The following ROBO2 variants were observed in gnomAD, a reference collection of about 807,000 sequenced individuals.
ROBO2 encodes the protein roundabout guidance receptor 2, also known as roundabout homolog 2.
In ROBO2, 53 loss-of-function variants were observed where a neutral mutation model predicts 160.8. The ratio of observed to expected loss-of-function variants is 0.33; its 90% CI spans 0.26 to 0.41. The LOEUF is 0.41. ROBO2 is among the 10% of genes least tolerant of loss of function. The pLI is 1.00. For missense variants in ROBO2, 1,577 were observed against 1,722.4 expected, an observed-to-expected ratio of 0.92 and a Z score of 1.49; for synonymous variants, 664 against 611.7, an observed-to-expected ratio of 1.09 and a Z score of -1.26.
chr3:76,650,620 G>A (rs1223267679), intron 2 of ROBO2, among the ~76,000 whole-genome samples: 2 of 152,062 alleles, frequency 1.3e-5, no homozygotes, highest in African/African-American at 2.4e-5. Context: ...GGTACAAGCA[G>A]GTAGCAGTTA....
chr3:75,912,294 CTGAG>C (rs1394339225), intron 1 of ROBO2, among the ~76,000 whole-genome samples: 1 of 152,136 alleles, frequency 6.6e-6, no homozygotes, highest in East Asian at 1.9e-4. Context: ...TCTGTCAGCA[CTGAG>C]TGAGATTTTT....
At chr3:76,772,540 A>G (rs1401957987) in intron 2 of ROBO2, among the ~76,000 whole-genome samples, 1 of 149,262 alleles carries the variant, frequency 6.7e-6, no homozygotes, top group Non-Finnish European at 1.5e-5. Context: ...TTAATTTGAA[A>G]ATCCGTGTTA....
chr3:76,820,502 G>T (rs1181360947), intron 2 of ROBO2, among the ~76,000 whole-genome samples: 4 of 151,828 alleles, frequency 2.6e-5, no homozygotes, highest in African/African-American at 9.7e-5. Flanking sequence ...AGCCATCCTG[G>T]TAGGGCCAAT....
At chr3:77,056,481 C>A (rs958661119) in intron 1 of ROBO2, among the ~76,000 whole-genome samples, 1 of 151,886 alleles carries the variant, frequency 6.6e-6, no homozygotes, top group Non-Finnish European at 1.5e-5. Context: ...AAGAAGACAC[C>A]GTACTGTATA....
intron 2 of ROBO2, among the ~76,000 whole-genome samples, chr3:76,924,163 C>T (rs1237722325): frequency 6.6e-6 from 1 of 152,230 alleles, no homozygotes; most frequent in East Asian, 1.9e-4. Context: ...ATTCTTGTCC[C>T]ATAATTTTCT....
intron 2 of ROBO2, among the ~76,000 whole-genome samples, chr3:76,228,746 A>G (rs1704444173): frequency 6.6e-6 from 1 of 152,236 alleles, no homozygotes; most frequent in Admixed American, 6.5e-5. Flanking sequence ...AACTTTCATA[A>G]GAACTCACAG....
intron 2 of ROBO2, among the ~76,000 whole-genome samples, chr3:76,825,008 A>T (rs116171720): frequency 0.01 from 1,573 of 152,310 alleles, 26 homozygotes; most frequent in African/African-American, 0.036. Flanking sequence ...AAGCTTCTCA[A>T]CTTCTCAGGG....
chr3:75,946,134 C>A (rs1948282217), intron 2 of ROBO2, among the ~76,000 whole-genome samples: 2 of 151,862 alleles, frequency 1.3e-5, no homozygotes, highest in African/African-American at 4.8e-5. Context: ...TTGCTTTTGT[C>A]AAAATAGTGT....
intron 2 of ROBO2, among the ~76,000 whole-genome samples, chr3:76,741,788 A>T (rs1395779553): frequency 6.6e-6 from 1 of 152,064 alleles, no homozygotes; most frequent in Admixed American, 6.6e-5. Flanking sequence ...TCTGAAAACA[A>T]ATTTGCAATT....
At chr3:76,198,507 C>T (rs1702367815) in intron 2 of ROBO2, among the ~76,000 whole-genome samples, 1 of 152,148 alleles carries the variant, frequency 6.6e-6, no homozygotes, top group South Asian at 2.1e-4. Context: ...ATTTCTTTGA[C>T]ATATTTTGAA....
At chr3:77,489,480 A>C (rs993063612) in intron 4 of ROBO2, among the ~76,000 whole-genome samples, 2 of 152,168 alleles carry the variant, frequency 1.3e-5, no homozygotes, top group African/African-American at 4.8e-5. Flanking sequence ...TTGAAATTAT[A>C]AATCAAGTGC....
chr3:76,948,966 G>T lies in ROBO2; in HGVS notation c.110-149048G>T, dbSNP rs530438424. 4.6e-5 allele frequency among the ~76,000 whole-genome samples: 6 copies of T among 131,602 alleles called. No homozygotes were observed. The South Asian group carries it at 1.5e-3, about 32-fold the overall frequency. The allele number at this position is 131,602 out of a possible 152,430, so 86.3% of individuals were successfully genotyped here. On this transcript the variant is annotated intron_variant, in intron 2 of 26. Coordinates refer to the ROBO2 transcript ENST00000487694. ...GGGTTTCACCATGTTGGCCAAGCTG[G>T]TCTTGACCTCCTGACCTGAGGTGAT... is the stretch of plus-strand genomic sequence containing the variant.
At chr3:77,200,315 A>ATATATATATC (rs2082771874) in intron 2 of ROBO2, among the ~76,000 whole-genome samples, 1 of 87,584 alleles carries the variant, frequency 1.1e-5, no homozygotes, top group Admixed American at 1.2e-4. Flanking sequence ...ATATATATAT[A>ATATATATATC]TATATATTTT....
At chr3:76,231,569 T>C (rs1298231392) in intron 2 of ROBO2, among the ~76,000 whole-genome samples, 8 of 152,200 alleles carry the variant, frequency 5.3e-5, no homozygotes, top group African/African-American at 1.9e-4. Flanking sequence ...TCAGTGCCTA[T>C]TATGAGATTG....
At chr3:76,562,760 T>C (rs1342881493) in intron 2 of ROBO2, among the ~76,000 whole-genome samples, 1 of 152,216 alleles carries the variant, frequency 6.6e-6, no homozygotes, top group African/African-American at 2.4e-5. Flanking sequence ...ATGAGGTCTG[T>C]GACTAAAATA....
chr3:76,972,908 A>G (rs2059639931), intron 2 of ROBO2, among the ~76,000 whole-genome samples: 2 of 152,308 alleles, frequency 1.3e-5, no homozygotes, highest in Admixed American at 1.3e-4. Context: ...AAAAGGATGA[A>G]TCACTTAGAA....
intron 20 of ROBO2, among the ~76,000 whole-genome samples, chr3:77,607,086 T>C (rs1444808945): frequency 6.6e-6 from 1 of 152,228 alleles, no homozygotes; most frequent in Non-Finnish European, 1.5e-5. Context: ...CTTACTTTCT[T>C]CTCATATTTT....
chr3:77,200,211 T>C (rs1029437481), intron 2 of ROBO2, among the ~76,000 whole-genome samples: 1 of 135,506 alleles, frequency 7.4e-6, no homozygotes, highest in African/African-American at 2.8e-5. Flanking sequence ...TAAAATGTAG[T>C]AGTAAAGAAA....
At chr3:76,310,810 G>T (rs1401778622) in intron 2 of ROBO2, among the ~76,000 whole-genome samples, 2 of 152,292 alleles carry the variant, frequency 1.3e-5, no homozygotes, top group African/African-American at 4.8e-5. Flanking sequence ...ACCCACCCAA[G>T]TGGCGGTGAC....
Sources: gnomAD v4.1 joint callset for allele counts (sites outside exome capture counted in the v4.1 genomes callset) on GRCh38, gnomAD v4.1.1 for gene constraint, MANE v1.5 for transcripts, NCBI Gene and HGNC (gene_info 2026-07-23, HGNC 2026-07-21) for gene names.